The following PDE7B variants were observed in gnomAD, a reference collection of about 807,000 sequenced individuals.
PDE7B encodes the protein 3',5'-cyclic-AMP phosphodiesterase 7B.
In PDE7B, 29 loss-of-function variants were observed where a neutral mutation model predicts 56.2. The observed-to-expected ratio is 0.52, with a 90% CI of 0.38 to 0.70. PDE7B has a LOEUF of 0.70. Ranked by LOEUF, PDE7B falls within the 30% of genes least tolerant of loss-of-function variation. PDE7B has a pLI of 0.00. For synonymous variants in PDE7B, 197 were observed against 196.9 expected, an observed-to-expected ratio of 1.00 and a Z score of 0.00; for missense variants, 490 against 565.0, an observed-to-expected ratio of 0.87 and a Z score of 1.35.
intron 2 of PDE7B, among the ~76,000 whole-genome samples, chr6:135,980,096 T>C (rs1775268374): frequency 6.6e-6 from 1 of 152,088 alleles, no homozygotes; most frequent in African/African-American, 2.4e-5. Flanking sequence ...AACAGAGATA[T>C]AGATCAATGG....
At chr6:136,173,633 C>A (rs902705782) in intron 8 of PDE7B, among the ~76,000 whole-genome samples, 164 bp from the exon 9 acceptor site, 20 of 152,150 alleles carry the variant, frequency 1.3e-4, no homozygotes, top group African/African-American at 4.6e-4. Flanking sequence ...TGAGACTAGA[C>A]CTCATGGTTG....
At chr6:135,973,460 C>A (rs779823679) in intron 2 of PDE7B, among the ~76,000 whole-genome samples, 2 of 150,998 alleles carry the variant, frequency 1.3e-5, no homozygotes, top group Non-Finnish European at 2.9e-5. Flanking sequence ...TCTTCGAGGT[C>A]CTGACTTCTG....
chr6:135,902,586 T>C (rs996470343), intron 1 of PDE7B, among the ~76,000 whole-genome samples: 13 of 152,200 alleles, frequency 8.5e-5, no homozygotes, highest in African/African-American at 3.1e-4. Context: ...AGAAGGTTGA[T>C]CAATGATCAT....
rs114602189 is a variant in PDE7B at position 135,954,567 on chromosome 6, A to G, written c.82+7043A>G. Among the ~76,000 whole-genome samples, 1,038 of 152,292 alleles carry G rather than the reference A, an allele frequency of 6.8e-3. 10 individuals are homozygous for G. The highest frequency in any genetic ancestry group is 0.024 in the African/African-American group (980 of 41,564). On this transcript the variant is annotated intron_variant, in intron 2 of 12. Transcript: ENST00000308191. ...ACATGCATTCATTGAGCACTGCTGT[A>G]TGCCCAACCCTCTGCTAGGAGTACT... is the stretch of plus-strand genomic sequence containing the variant.
chr6:135,872,345 G>A (rs1775399287), intron 1 of PDE7B, among the ~76,000 whole-genome samples: 1 of 152,114 alleles, frequency 6.6e-6, no homozygotes, highest in Admixed American at 6.5e-5. Context: ...TACCAACATT[G>A]CTCAGGCTTT....
intron 2 of PDE7B, among the ~76,000 whole-genome samples, chr6:136,002,259 A>T (rs932552356): frequency 4.6e-5 from 7 of 152,244 alleles, no homozygotes; most frequent in African/African-American, 1.4e-4. Context: ...CCAAATTGTC[A>T]AGACCGTCAA....
At chr6:136,129,991 G>A (rs989060794) in intron 3 of PDE7B, among the ~76,000 whole-genome samples, 3 of 152,170 alleles carry the variant, frequency 2.0e-5, no homozygotes, top group Non-Finnish European at 4.4e-5. Context: ...GGGTTTCTCT[G>A]TGGCTTTAGC....
chr6:136,053,373 A>G (rs1776668709), intron 2 of PDE7B, among the ~76,000 whole-genome samples: 4 of 151,918 alleles, frequency 2.6e-5, no homozygotes, highest in Admixed American at 2.6e-4. Flanking sequence ...CCATGTCCCT[A>G]AAAAGGACAT....
At chr6:136,071,957 A>G (rs932736471) in intron 2 of PDE7B, among the ~76,000 whole-genome samples, 2 of 152,316 alleles carry the variant, frequency 1.3e-5, no homozygotes, top group African/African-American at 4.8e-5. Flanking sequence ...CATTCTAAAA[A>G]TATTTATTAA....
chr6:136,184,872 G>A (rs747674586), intron 11 of PDE7B, among the ~76,000 whole-genome samples: 13 of 152,156 alleles, frequency 8.5e-5, no homozygotes, highest in Non-Finnish European at 1.9e-4. Flanking sequence ...TTCTAAGAGG[G>A]AGAAACAGGA....
At chr6:135,949,989 T>C (rs1473063076) in intron 2 of PDE7B, among the ~76,000 whole-genome samples, 1 of 152,132 alleles carries the variant, frequency 6.6e-6, no homozygotes, top group Non-Finnish European at 1.5e-5. Context: ...CAGACACTTA[T>C]GAAGTCCTTT....
intron 2 of PDE7B, among the ~76,000 whole-genome samples, chr6:135,979,472 C>A (rs1775255280): frequency 6.6e-6 from 1 of 151,404 alleles, no homozygotes; most frequent in Non-Finnish European, 1.5e-5. Flanking sequence ...CTCCTTGTAC[C>A]TCTGGTAGAA....
chr6:135,857,022 T>TCCCCTCCCTCCCTCCC (rs1775042852), intron 1 of PDE7B, among the ~76,000 whole-genome samples: 1 of 114,864 alleles, frequency 8.7e-6, no homozygotes, highest in Admixed American at 9.5e-5. Flanking sequence ...TCTTACTCCT[T>TCCCCTCCCTCCCTCCC]TTCCTCCCTC....
Position 135,983,005 on chromosome 6 carries a change from C to G in PDE7B, c.82+35481C>G, listed in dbSNP as rs148529132. Among the ~76,000 whole-genome samples the G allele has an allele frequency of 3.2e-3, 494 of 152,206 alleles. 4 individuals carry two copies. Among genetic ancestry groups the G allele is most frequent in the African/African-American group, 0.011 (451 of 41,526 alleles). On this transcript the variant is annotated intron_variant, in intron 2 of 12. Transcript: ENST00000308191. ...ATGGAAAAAAGTGATCTGATGAGCA[C>G]CATTAATGGTAGTCTAATCCATGAG...
intron 1 of PDE7B, among the ~76,000 whole-genome samples, chr6:135,906,810 G>GTTTTTTTTTTTTTTT (rs869049424): frequency 1.7e-5 from 1 of 59,506 alleles, no homozygotes; most frequent in Non-Finnish European, 3.0e-5. Context: ...AATGAGGTTT[G>GTTTTTTTTTTTTTTT]TTTTTTTTTT....
chr6:135,951,759 GT>G lies in PDE7B; in HGVS notation c.82+4240del, dbSNP rs756990525. 2.6e-5 allele frequency among the ~76,000 whole-genome samples: 4 copies of G among 151,986 alleles called. No homozygotes were observed. In the South Asian group the frequency reaches 8.3e-4, roughly 32 times the overall value. ...TTAATTTGAAATTTTCATTGGCCCT[GT>G]TTTTGTCTCATGTATGATTTCTTTC... On this transcript the variant is annotated intron_variant, in intron 2 of 12. Coordinates refer to ENST00000308191, the MANE Select transcript of PDE7B (RefSeq NM_018945.4).
intron 2 of PDE7B, among the ~76,000 whole-genome samples, chr6:136,027,477 C>T (rs933635650): frequency 6.6e-6 from 1 of 152,000 alleles, no homozygotes; most frequent in African/African-American, 2.4e-5. Flanking sequence ...CATAATTAAC[C>T]ACCCATGTTT....
chr6:135,973,917 C>T (rs907083838), intron 2 of PDE7B, among the ~76,000 whole-genome samples: 1 of 152,164 alleles, frequency 6.6e-6, no homozygotes, highest in African/African-American at 2.4e-5. Context: ...TGCTGCCTTG[C>T]TATTCATGCC....
At chr6:135,910,350 T>G (rs1319155798) in intron 1 of PDE7B, among the ~76,000 whole-genome samples, 1 of 152,254 alleles carries the variant, frequency 6.6e-6, no homozygotes, top group Non-Finnish European at 1.5e-5. Context: ...ACTTTAGAAC[T>G]GTCAGTAACA....
Sources: gnomAD v4.1 joint callset for allele counts (sites outside exome capture counted in the v4.1 genomes callset) on GRCh38, gnomAD v4.1.1 for gene constraint, MANE v1.5 for transcripts, NCBI Gene and HGNC (gene_info 2026-07-23, HGNC 2026-07-21) for gene names.